Variants in GEMIN5 observed in about 807,000 individuals in gnomAD.
GEMIN5 encodes gem nuclear organelle associated protein 5, also known as gem-associated protein 5.
Under a neutral mutation model 176.9 loss-of-function variants are expected in GEMIN5, and 124 were observed. The ratio of observed to expected loss-of-function variants is 0.70; its 90% CI spans 0.61 to 0.81. The LOEUF (loss-of-function observed/expected upper bound fraction) is 0.81, where lower values mean the gene tolerates loss of function less well. Ranked by LOEUF, GEMIN5 falls within the 40% of genes least tolerant of loss-of-function variation. GEMIN5 has a pLI of 0.00. For synonymous variants in GEMIN5, 673 were observed against 665.2 expected, an observed-to-expected ratio of 1.01 and a Z score of -0.18; for missense variants, 1,843 against 1,814.6, an observed-to-expected ratio of 1.02 and a Z score of -0.28.
chr5:154,919,200 C>T (rs936633835), intron 11 of GEMIN5, among the ~76,000 whole-genome samples: 1 of 151,780 alleles, frequency 6.6e-6, no homozygotes, highest in African/African-American at 2.4e-5. Flanking sequence ...GCATGGTGGC[C>T]CATGCCTGCA....
chr5:154,893,231 TC>T (rs1206539516), intron 24 of GEMIN5, among the ~76,000 whole-genome samples: 1 of 124,890 alleles, frequency 8.0e-6, no homozygotes, highest in African/African-American at 3.1e-5. Context: ...GGCGGGCGGA[TC>T]ACCCGAGGTG....
chr5:154,915,910 C>G (rs1763800202), intron 13 of GEMIN5, among the ~76,000 whole-genome samples: 1 of 151,910 alleles, frequency 6.6e-6, no homozygotes. Context: ...CATTCATGTT[C>G]ACGAAGATCT....
intron 2 of GEMIN5, among the ~76,000 whole-genome samples, chr5:154,936,273 C>T (rs939097941): frequency 2.0e-5 from 3 of 152,018 alleles, no homozygotes; most frequent in African/African-American, 7.3e-5. Context: ...AAAAATTAGC[C>T]GGGCGTGGTG....
At chr5:154,934,981 C>A (rs1347579859) in intron 3 of GEMIN5, among the ~76,000 whole-genome samples, 1 of 152,170 alleles carries the variant, frequency 6.6e-6, no homozygotes, top group East Asian at 1.9e-4. Context: ...TCTACCTGCA[C>A]CTATTTCTAT....
chr5:154,918,126 A>T, intron 11 of GEMIN5, 122 bp from the exon 12 acceptor site: 1 of 638,658 alleles, frequency 1.6e-6, no homozygotes, highest in Non-Finnish European at 2.8e-6. Flanking sequence ...CTATTCTTGT[A>T]AATAATCTAC....
intron 10 of GEMIN5, among the ~76,000 whole-genome samples, chr5:154,921,016 A>G (rs1022365138): frequency 2.0e-5 from 3 of 152,216 alleles, no homozygotes; most frequent in Non-Finnish European, 2.9e-5. Flanking sequence ...ATAAAATTAA[A>G]AAGAGACAGC....
At position 154,925,909 on chromosome 5, in the gene GEMIN5, A is replaced by T. The variant is rs1410390002; in HGVS notation, c.1246T>A (p.Tyr416Asn). Residue 416 changes from tyrosine to asparagine, a missense_variant, in exon 8 of 28, where the codon TAT becomes AAT. Coordinates refer to ENST00000285873, the MANE Select transcript of GEMIN5 (RefSeq NM_015465.5). ...VWNTLSIKNNYDVKNFWQGVK... is the reference protein window; with the variant it reads ...VWNTLSIKNNNDVKNFWQGVK... ...CCTTGCCAAAAATTTTTCACATCAT[A>T]GTTGTTCTTTATGGAGAGTGTATTC... is the stretch of plus-strand genomic sequence containing the variant. 1 of 1,613,800 alleles carries T rather than the reference A, an allele frequency of 6.2e-7. No homozygotes were observed. The highest frequency in any genetic ancestry group is 2.2e-5 in the East Asian group (1 of 44,886).
rs768784798 is a variant in GEMIN5, at chr5:154,912,902, G to C, written c.1992C>G (p.Ala664=). 2 of 1,613,172 alleles carry C rather than the reference G, an allele frequency of 1.2e-6. No homozygotes were observed. The highest frequency in any genetic ancestry group is 4.5e-5 in the East Asian group (2 of 44,868). ...AGGGACAAGGACACAATAGTACCTG[G>C]GCTGTACCATCATAGGAAGCAGATA... ...RLVSASYDGT[A]QVWDALREEP... Residue 664 remains alanine, a synonymous_variant, in exon 14 of 28, where the codon GCC becomes GCG. Coordinates refer to ENST00000285873, the MANE Select transcript of GEMIN5 (RefSeq NM_015465.5).
At chr5:154,904,832 G>C (rs1420319653) in intron 17 of GEMIN5, among the ~76,000 whole-genome samples, 1 of 152,144 alleles carries the variant, frequency 6.6e-6, no homozygotes, top group Non-Finnish European at 1.5e-5. Flanking sequence ...TAACATTTAT[G>C]ATGTAGTGTC....
intron 6 of GEMIN5, among the ~76,000 whole-genome samples, chr5:154,927,946 G>C (rs570560646): frequency 6.6e-6 from 1 of 151,462 alleles, no homozygotes; most frequent in African/African-American, 2.4e-5. Flanking sequence ...AGCTGTGTTT[G>C]CACCACTGCA....
chr5:154,906,004 T>C (rs1763560084), intron 16 of GEMIN5, among the ~76,000 whole-genome samples: 1 of 151,628 alleles, frequency 6.6e-6, no homozygotes, highest in Non-Finnish European at 1.5e-5. Context: ...TTTTTTTTTT[T>C]TCTTTTGGTT....
intron 13 of GEMIN5, among the ~76,000 whole-genome samples, chr5:154,914,909 G>C (rs1410399136): frequency 6.6e-6 from 1 of 152,108 alleles, no homozygotes; most frequent in Non-Finnish European, 1.5e-5. Flanking sequence ...AAAAATTGTT[G>C]AATCTATTAA....
intron 14 of GEMIN5, 90 bp downstream of exon 14, chr5:154,912,808 AG>A (rs1354242547): frequency 8.4e-6 from 9 of 1,077,000 alleles, no homozygotes; most frequent in Non-Finnish European, 1.2e-5. Context: ...ATAATGGGGG[AG>A]GGGGAACCTG....
At chr5:154,905,259 AAAAC>A in intron 17 of GEMIN5, 100 bp downstream of exon 17, 1 of 547,192 alleles carries the variant, frequency 1.8e-6, no homozygotes, top group South Asian at 2.7e-5. Context: ...TGAACCTATA[AAAAC>A]AAACAAGAAA....
At chr5:154,912,171 C>T (rs1453571623) in intron 14 of GEMIN5, among the ~76,000 whole-genome samples, 1 of 152,152 alleles carries the variant, frequency 6.6e-6, no homozygotes, top group East Asian at 1.9e-4. Flanking sequence ...CTGTCTCGAA[C>T]CAATACTGTA....
At chr5:154,910,152 T>TA (rs1464916382) in intron 15 of GEMIN5, among the ~76,000 whole-genome samples, 1 of 152,054 alleles carries the variant, frequency 6.6e-6, no homozygotes, top group African/African-American at 2.4e-5. Flanking sequence ...ATACCACAAT[T>TA]AATTCATTTA....
intron 11 of GEMIN5, among the ~76,000 whole-genome samples, chr5:154,919,481 T>A (rs945509105): frequency 6.6e-6 from 1 of 152,234 alleles, no homozygotes; most frequent in Non-Finnish European, 1.5e-5. Context: ...TTATGTGTAT[T>A]ATTTTTGTAG....
intron 5 of GEMIN5, 104 bp downstream of exon 5, chr5:154,931,354 C>T: frequency 1.7e-6 from 2 of 1,179,342 alleles, no homozygotes; most frequent in Admixed American, 4.9e-5. Flanking sequence ...AAGTGAAGAA[C>T]TGCTCTCAAA....
Position 154,891,264 on chromosome 5 carries a change from G to A in GEMIN5, c.4239C>T (p.Pro1413=), listed in dbSNP as rs757251728. ...KNEPEVEAEQ[P]LCSSQSQCKE... ...ACCACTGGCTCTGAGAACTGCAGAG[G>A]GGCTGCTCTGCTTCTACTTCCGGTT... Residue 1413 remains proline (P), a synonymous_variant, in exon 26 of 28, where the codon CCC becomes CCT. Coordinates refer to ENST00000285873, the MANE Select transcript of GEMIN5 (RefSeq NM_015465.5). The A allele has an allele frequency of 8.5e-5, 137 of 1,613,332 alleles. No individual in the cohort carries two copies. Among genetic ancestry groups the A allele is most frequent in the Non-Finnish European group, 1.1e-4 (134 of 1,179,612 alleles).
Sources: allele counts gnomAD v4.1 joint callset (sites outside exome capture counted in the v4.1 genomes callset), GRCh38; gene constraint gnomAD v4.1.1; transcripts MANE v1.5; gene names NCBI Gene and HGNC (gene_info 2026-07-23, HGNC 2026-07-21).